The following FOXP2 variants were observed in gnomAD, a reference collection of about 807,000 sequenced individuals.
The protein encoded by FOXP2 is forkhead box protein P2.
In FOXP2, 12 loss-of-function variants were observed where a neutral mutation model predicts 115.8. That is an observed-to-expected ratio of 0.10 (90% CI 0.07 to 0.17). FOXP2 has a LOEUF of 0.17. Ranked by LOEUF, FOXP2 falls within the 10% of genes least tolerant of loss-of-function variation. The pLI is 1.00. For synonymous variants in FOXP2, 328 were observed against 297.7 expected, an observed-to-expected ratio of 1.10 and a Z score of -1.05; for missense variants, 629 against 843.5, an observed-to-expected ratio of 0.75 and a Z score of 3.15.
chr7:114,560,055 G>C (rs1047225397), intron 3 of FOXP2, among the ~76,000 whole-genome samples: 1 of 152,170 alleles, frequency 6.6e-6, no homozygotes, highest in African/African-American at 2.4e-5. Context: ...TGTTAAGCTA[G>C]CCTTTCTTTT....
chr7:114,192,748 C>T (rs946146229), intron 1 of FOXP2, among the ~76,000 whole-genome samples: 1 of 152,152 alleles, frequency 6.6e-6, no homozygotes, highest in African/African-American at 2.4e-5. Flanking sequence ...CTTAATGTTG[C>T]ATTGGCCCTA....
chr7:114,542,799 T>TTG (rs931573697), intron 3 of FOXP2, among the ~76,000 whole-genome samples: 10 of 151,448 alleles, frequency 6.6e-5, no homozygotes, highest in African/African-American at 2.4e-4. Context: ...TTTTTGTTTT[T>TTG]TTTTTTTTTG....
intron 1 of FOXP2, among the ~76,000 whole-genome samples, chr7:114,259,957 T>G (rs1795707717): frequency 6.6e-6 from 1 of 152,158 alleles, no homozygotes. Context: ...TGGTGCCATC[T>G]CAGCTCACTG....
chr7:114,337,569 C>A, intron 2 of FOXP2, among the ~76,000 whole-genome samples: 1 of 150,550 alleles, frequency 6.6e-6, no homozygotes, highest in East Asian at 1.9e-4. Flanking sequence ...TAAATATAAC[C>A]TCACATACAG....
intron 3 of FOXP2, among the ~76,000 whole-genome samples, chr7:114,539,551 C>G (rs182126562): frequency 6.6e-6 from 1 of 151,682 alleles, no homozygotes; most frequent in East Asian, 1.9e-4. Flanking sequence ...TACATTATTT[C>G]TTGATCATAA....
chr7:114,479,872 G>A (rs1188892935), intron 2 of FOXP2, among the ~76,000 whole-genome samples: 1 of 151,422 alleles, frequency 6.6e-6, no homozygotes, highest in South Asian at 2.1e-4. Flanking sequence ...CTTGTTAGTT[G>A]TTCACACTAG....
At chr7:114,373,858 G>A (rs1422811936) in intron 2 of FOXP2, among the ~76,000 whole-genome samples, 1 of 152,186 alleles carries the variant, frequency 6.6e-6, no homozygotes, top group African/African-American at 2.4e-5. Flanking sequence ...AGAAGTTTAA[G>A]TAGCTTGCCC....
At chr7:114,641,573 A>C (rs896265727) in intron 6 of FOXP2, among the ~76,000 whole-genome samples, 1 of 152,064 alleles carries the variant, frequency 6.6e-6, no homozygotes, top group Non-Finnish European at 1.5e-5. Flanking sequence ...AAATGAACAG[A>C]TAATTGTCAA....
intron 3 of FOXP2, among the ~76,000 whole-genome samples, chr7:114,583,214 C>T (rs546310896): frequency 6.6e-6 from 1 of 152,044 alleles, no homozygotes; most frequent in East Asian, 1.9e-4. Context: ...AAACCCGCCT[C>T]TACTAAAACC....
At chr7:114,108,273 C>A (rs998846013) in intron 1 of FOXP2, among the ~76,000 whole-genome samples, 7 of 151,832 alleles carry the variant, frequency 4.6e-5, no homozygotes, top group African/African-American at 1.7e-4. Flanking sequence ...TAATTATAAT[C>A]TAGACATAAA....
At chr7:114,095,377 A>T (rs1799624703) in intron 1 of FOXP2, among the ~76,000 whole-genome samples, 1 of 152,232 alleles carries the variant, frequency 6.6e-6, no homozygotes, top group Admixed American at 6.5e-5. Context: ...TCCTAAAATA[A>T]AAACTATTTA....
intron 1 of FOXP2, among the ~76,000 whole-genome samples, chr7:114,116,841 C>A (rs1013489335): frequency 1.3e-5 from 2 of 152,122 alleles, no homozygotes; most frequent in Admixed American, 1.3e-4. Context: ...GGCCTTCAGT[C>A]TCCCGCTCTT....
chr7:114,172,150 A>G (rs749706501), intron 1 of FOXP2, among the ~76,000 whole-genome samples: 1 of 152,236 alleles, frequency 6.6e-6, no homozygotes, highest in Non-Finnish European at 1.5e-5. Context: ...ATGCTATTGC[A>G]TACTTAATCT....
At chr7:114,223,338 C>T (rs1794667694) in intron 1 of FOXP2, among the ~76,000 whole-genome samples, 1 of 151,788 alleles carries the variant, frequency 6.6e-6, no homozygotes, top group African/African-American at 2.4e-5. Flanking sequence ...AGTTGCATTT[C>T]CCAGATTACT....
At chr7:114,573,764 T>G (rs905461979) in intron 3 of FOXP2, among the ~76,000 whole-genome samples, 1 of 151,708 alleles carries the variant, frequency 6.6e-6, no homozygotes. Context: ...ATCCCTTAAT[T>G]TTATTAACAA....
At chr7:114,155,505 C>T (rs553404887) in intron 1 of FOXP2, among the ~76,000 whole-genome samples, 23 of 152,104 alleles carry the variant, frequency 1.5e-4, no homozygotes, top group Non-Finnish European at 3.1e-4. Context: ...GGAAAGCTGT[C>T]TCTTGTGAGG....
intron 1 of FOXP2, among the ~76,000 whole-genome samples, chr7:114,266,122 A>G (rs979012400): frequency 6.6e-6 from 1 of 151,940 alleles, no homozygotes; most frequent in African/African-American, 2.4e-5. Context: ...TACTGTCCAT[A>G]TCACTATTAG....
intron 2 of FOXP2, among the ~76,000 whole-genome samples, chr7:114,429,393 A>C (rs1794007695): frequency 6.6e-6 from 1 of 151,518 alleles, no homozygotes; most frequent in Non-Finnish European, 1.5e-5. Flanking sequence ...GTTTAAAAAA[A>C]AGCCTTTTCT....
At chr7:114,264,829 A>C (rs1260399833) in intron 1 of FOXP2, among the ~76,000 whole-genome samples, 1 of 152,146 alleles carries the variant, frequency 6.6e-6, no homozygotes, top group Non-Finnish European at 1.5e-5. Flanking sequence ...ACATAGTGAA[A>C]GCAAGAGCAA....
Sources: gnomAD v4.1 joint callset for allele counts (sites outside exome capture counted in the v4.1 genomes callset) on GRCh38, gnomAD v4.1.1 for gene constraint, MANE v1.5 for transcripts, NCBI Gene and HGNC (gene_info 2026-07-23, HGNC 2026-07-21) for gene names.